Variants in GRIK2 observed in about 807,000 individuals in gnomAD.
GRIK2 encodes glutamate ionotropic receptor kainate type subunit 2, also known as glutamate receptor ionotropic, kainate 2.
Under a neutral mutation model 100.3 loss-of-function variants are expected in GRIK2, and 32 were observed. That is an observed-to-expected ratio of 0.32 (90% CI 0.24 to 0.43). The LOEUF is 0.43. Among genes scored for constraint, GRIK2 ranks in the 20% least tolerant of loss-of-function variants. The pLI is 1.00. For synonymous variants in GRIK2, 417 were observed against 389.4 expected (o/e 1.07, Z -0.83); for missense variants, 843 against 1,114.9 (o/e 0.76, Z 3.47).
chr6:101,814,823 A>G (rs1241235830), intron 9 of GRIK2, among the ~76,000 whole-genome samples: 1 of 152,178 alleles, frequency 6.6e-6, no homozygotes, highest in African/African-American at 2.4e-5. Flanking sequence ...CATTATAATT[A>G]TGGATTTGAT....
chr6:101,449,856 C>G (rs778027848), intron 2 of GRIK2, among the ~76,000 whole-genome samples: 3 of 151,484 alleles, frequency 2.0e-5, no homozygotes, highest in Non-Finnish European at 4.4e-5. Flanking sequence ...TGATGGGGGA[C>G]TTTGTACGTG....
At chr6:101,620,411 A>G (rs190383766) in intron 2 of GRIK2, 335 of 152,590 alleles carry the variant, frequency 2.2e-3, no homozygotes, top group Admixed American at 6.2e-3. Flanking sequence ...CCAGAATAAG[A>G]GAAATATTTC....
chr6:101,821,357 A>G (rs1191252654), intron 10 of GRIK2, among the ~76,000 whole-genome samples: 1 of 152,176 alleles, frequency 6.6e-6, no homozygotes, highest in African/African-American at 2.4e-5. Context: ...TAAATACACT[A>G]ATGCCTAAAA....
At chr6:101,605,636 C>G (rs1039642553) in intron 2 of GRIK2, among the ~76,000 whole-genome samples, 1 of 152,006 alleles carries the variant, frequency 6.6e-6, no homozygotes, top group African/African-American at 2.4e-5. Flanking sequence ...CAAGATCGTG[C>G]CATTGCACTC....
At chr6:101,630,953 C>T (rs1299868656) in intron 4 of GRIK2, among the ~76,000 whole-genome samples, 1 of 151,818 alleles carries the variant, frequency 6.6e-6, no homozygotes, top group African/African-American at 2.4e-5. Context: ...CAGTTTGATA[C>T]ATGATAATTA....
Position 101,818,418 on chromosome 6 carries a change from A to G in GRIK2, c.1252A>G (p.Lys418Glu), listed in dbSNP as rs758656803. Residue 418 changes from lysine to glutamate, a missense_variant, in exon 10 of 17, where the codon AAG (lysine) becomes GAG (glutamate). Lys to Glu is a moderately conservative substitution (Grantham distance 56). This residue lies in a region of GRIK2 where 519 missense variants were observed against 643.8 expected (regional missense o/e 0.81). Transcript: ENST00000369134. ...TGGCCTGAATATGACAGAAAGTCAA[A>G]AGGGAAAGCCAGCGAACATCACAGA... ...ASGLNMTESQ[K>E]GKPANITDSL... The G allele has an allele frequency of 6.2e-7, 1 of 1,612,488 alleles. No individual in the cohort carries two copies. Among genetic ancestry groups the G allele is most frequent in the South Asian group, 1.1e-5 (1 of 91,038 alleles).
At chr6:101,558,817 T>C (rs993515967) in intron 2 of GRIK2, among the ~76,000 whole-genome samples, 1 of 152,170 alleles carries the variant, frequency 6.6e-6, no homozygotes, top group African/African-American at 2.4e-5. Context: ...ATTGCAGTTG[T>C]CTAAAATCTT....
Position 102,038,658 on chromosome 6 carries a change from CA to C in GRIK2, c.2311+3100del, listed in dbSNP as rs56704312. Among the ~76,000 whole-genome samples, 631 of 80,344 alleles carry C rather than the reference CA, an allele frequency of 7.9e-3. 5 individuals carry two copies. Among genetic ancestry groups the C allele is most frequent in the African/African-American group, 0.021 (538 of 25,728 alleles). 52.7% of individuals were successfully genotyped at this position (80,344 alleles called of 152,430 possible). On this transcript the variant is annotated intron_variant, in intron 15 of 16. Transcript: ENST00000369134. ...AATTGTACTTAATTATAAACAACAA[CA>C]AAAAAAAGGAATTCATTAAGGTGTG...
chr6:101,435,209 C>T (rs1191755854), intron 2 of GRIK2, among the ~76,000 whole-genome samples: 3 of 152,044 alleles, frequency 2.0e-5, no homozygotes, highest in African/African-American at 7.2e-5. Context: ...ATGTCTTGCA[C>T]TTAATTCCCC....
rs180963849 is a variant in GRIK2, at chr6:102,060,850, C to T, written c.2562+5270C>T. On this transcript the variant is annotated intron_variant, in intron 16 of 16. Coordinates refer to ENST00000369134, the MANE Select transcript of GRIK2 (RefSeq NM_021956.5). ...TATCATATTACTTTTTCTTAAAATG[C>T]GTTTCACAGCTATATTGACTAAAGT... 1.4e-3 allele frequency among the ~76,000 whole-genome samples: 217 copies of T among 150,368 alleles called. 3 individuals are homozygous for T. Among genetic ancestry groups the T allele is most frequent in the African/African-American group, 5.1e-3 (209 of 41,234 alleles).
chr6:101,991,994 C>G (rs192492121), intron 14 of GRIK2, among the ~76,000 whole-genome samples: 5 of 151,590 alleles, frequency 3.3e-5, no homozygotes, highest in African/African-American at 1.2e-4. Flanking sequence ...GTTTCTGGTA[C>G]TGAGCTTGGA....
intron 15 of GRIK2, 97 bp downstream of exon 15, chr6:102,035,663 T>G (rs907477952): frequency 3.0e-6 from 2 of 669,120 alleles, no homozygotes; most frequent in Non-Finnish European, 5.3e-6. Context: ...TTAGGAATTT[T>G]GTTTTTACCA....
chr6:101,716,579 A>G (rs1208294149), intron 7 of GRIK2, among the ~76,000 whole-genome samples: 2 of 118,898 alleles, frequency 1.7e-5, no homozygotes, highest in Non-Finnish European at 3.3e-5. Flanking sequence ...TGTTGAGCTT[A>G]ATCTTCAGAG....
chr6:101,901,881 T>C (rs1272104877), intron 12 of GRIK2, among the ~76,000 whole-genome samples: 1 of 151,992 alleles, frequency 6.6e-6, no homozygotes, highest in African/African-American at 2.4e-5. Flanking sequence ...CATTTGGATC[T>C]ACTAAATAAT....
At chr6:101,922,134 T>TCGTTCCCTC (rs1562488874) in intron 12 of GRIK2, among the ~76,000 whole-genome samples, 1 of 62,030 alleles carries the variant, frequency 1.6e-5, no homozygotes, top group Non-Finnish European at 3.2e-5. Flanking sequence ...CTTCCTTCCT[T>TCGTTCCCTC]CCTTCCCTCC....
intron 4 of GRIK2, among the ~76,000 whole-genome samples, chr6:101,641,443 C>T (rs1781273612): frequency 6.6e-6 from 1 of 151,852 alleles, no homozygotes; most frequent in Non-Finnish European, 1.5e-5. Flanking sequence ...TGAAAAATGA[C>T]AAGCTGTAAT....
chr6:101,603,244 T>C (rs1330126316), intron 2 of GRIK2, among the ~76,000 whole-genome samples: 1 of 151,694 alleles, frequency 6.6e-6, no homozygotes, highest in Non-Finnish European at 1.5e-5. Context: ...AGTTCCCTTA[T>C]GTTGACATCA....
intron 7 of GRIK2, among the ~76,000 whole-genome samples, chr6:101,795,379 G>A (rs111502762): frequency 0.026 from 3,885 of 152,246 alleles, 174 homozygotes; most frequent in African/African-American, 0.088. Flanking sequence ...TTTACTGGGT[G>A]TAGGAGTGCC....
chr6:101,724,199 C>G (rs962553995), intron 7 of GRIK2, among the ~76,000 whole-genome samples: 1 of 151,264 alleles, frequency 6.6e-6, no homozygotes, highest in Non-Finnish European at 1.5e-5. Flanking sequence ...AAAAATTTAA[C>G]TTTTATTTTA....
Sources: gnomAD v4.1 joint callset for allele counts (sites outside exome capture counted in the v4.1 genomes callset) on GRCh38, gnomAD v4.1.1 for gene constraint, gnomAD v4.1.1 regional missense constraint, MANE v1.5 for transcripts, NCBI Gene and HGNC (gene_info 2026-07-23, HGNC 2026-07-21) for gene names.